The following RAP2A variants were observed in gnomAD, a reference collection of about 807,000 sequenced individuals.
The protein encoded by RAP2A is ras-related protein Rap-2a.
A neutral mutation model predicts 15.1 loss-of-function variants in RAP2A; 5 were observed. The observed-to-expected ratio is 0.33, with a 90% CI of 0.17 to 0.70. RAP2A has a LOEUF of 0.70. Ranked by LOEUF, RAP2A falls within the 30% of genes least tolerant of loss-of-function variation. The probability of loss-of-function intolerance (pLI) is 0.68; values close to 1 mark genes in which losing one functional copy is unlikely to be tolerated. For missense variants in RAP2A, 111 were observed against 240.3 expected (o/e 0.46, Z 3.56); for synonymous variants, 110 against 99.7 (o/e 1.10, Z -0.62).
chr13:97,464,084 T>C (rs1484742511), intron 1 of RAP2A, 121 bp from the exon 2 acceptor site: 2 of 856,594 alleles, frequency 2.3e-6, no homozygotes, highest in Non-Finnish European at 3.7e-6. Context: ...TACAAATCAT[T>C]TTCATGCAAC....
chr13:97,463,359 C>T lies in RAP2A; in HGVS notation c.315-846C>T, dbSNP rs1401026508. Among the ~76,000 whole-genome samples, 4 of 152,296 alleles carry T rather than the reference C, an allele frequency of 2.6e-5. No homozygotes were observed. In the East Asian group the frequency reaches 7.7e-4, roughly 29 times the overall value. ...TTTCTTTGTTCTTTCTTATCACTTACTATTTTTATTAGTTTAGCTTTTTCC... is the reference window on the plus strand; with the variant it reads ...TTTCTTTGTTCTTTCTTATCACTTATTATTTTTATTAGTTTAGCTTTTTCC... On this transcript the variant is annotated intron_variant, in intron 1 of 1. Transcript: ENST00000245304.
chr13:97,435,446 T>TA (rs1462635905), intron 1 of RAP2A, among the ~76,000 whole-genome samples: 1 of 80,656 alleles, frequency 1.2e-5, no homozygotes, highest in Non-Finnish European at 2.5e-5. Context: ...GTTTTTAATA[T>TA]AGCCGCCTTA....
Position 97,464,705 on chromosome 13 carries a change from C to A in RAP2A, c.*263C>A. On this transcript the variant is annotated 3_prime_UTR_variant, in exon 2 of 2. Transcript: ENST00000245304. ...AGTCCATCGATCTACAGGGTGATCT[C>A]ATTTGAAAGCTATGATGGCATTGTC... 2.2e-6 allele frequency: 1 copy of A among 444,650 alleles called. No individual in the cohort carries two copies. The highest frequency in any genetic ancestry group is 4.0e-6 in the Non-Finnish European group (1 of 248,996). The allele number at this position is 444,650 out of a possible 1,614,324, so 27.5% of individuals were successfully genotyped here.
chr13:97,456,718 T>C (rs1157579176), intron 1 of RAP2A, among the ~76,000 whole-genome samples: 2 of 145,240 alleles, frequency 1.4e-5, no homozygotes, highest in African/African-American at 5.2e-5. Flanking sequence ...TTACTCTCCT[T>C]ACTTTTTACA....
intron 1 of RAP2A, among the ~76,000 whole-genome samples, chr13:97,459,388 T>C (rs2066737305): frequency 6.6e-6 from 1 of 151,808 alleles, no homozygotes; most frequent in Admixed American, 6.6e-5. Flanking sequence ...CACCTCATCT[T>C]CCTAAATAAC....
chr13:97,446,516 A>C (rs2066680227), intron 1 of RAP2A, among the ~76,000 whole-genome samples: 1 of 152,154 alleles, frequency 6.6e-6, no homozygotes, highest in African/African-American at 2.4e-5. Context: ...GAGAAGTAGG[A>C]TCTGTTTCCT....
chr13:97,461,168 G>A (rs565380475), intron 1 of RAP2A, among the ~76,000 whole-genome samples: 1 of 152,258 alleles, frequency 6.6e-6, no homozygotes, highest in African/African-American at 2.4e-5. Context: ...ATACAGATAT[G>A]TAAAGGAAAT....
chr13:97,443,520 T>C (rs1224573157), intron 1 of RAP2A, among the ~76,000 whole-genome samples: 1 of 152,182 alleles, frequency 6.6e-6, no homozygotes, highest in Non-Finnish European at 1.5e-5. Context: ...TCTGAATAGC[T>C]AGGACTACAG....
rs78415243 is a variant in RAP2A, at chr13:97,455,592, G to A, written c.315-8613G>A. Reference sequence around the variant, plus strand: ...TTCTCCTTGTTTGGAAGATGATTCCGATGTCAGTTCAATTTTCAAAGCCTT... The same window carrying A: ...TTCTCCTTGTTTGGAAGATGATTCCAATGTCAGTTCAATTTTCAAAGCCTT... On this transcript the variant is annotated intron_variant, in intron 1 of 1. Transcript: ENST00000245304. 1.4e-4 allele frequency among the ~76,000 whole-genome samples: 21 copies of A among 151,544 alleles called. No homozygotes were observed. In the East Asian group the frequency reaches 3.7e-3, roughly 26 times the overall value.
At chr13:97,442,367 A>G (rs2066661821) in intron 1 of RAP2A, among the ~76,000 whole-genome samples, 1 of 152,120 alleles carries the variant, frequency 6.6e-6, no homozygotes, top group South Asian at 2.1e-4. Flanking sequence ...ATATTTAGGG[A>G]GAAATAAGGT....
intron 1 of RAP2A, among the ~76,000 whole-genome samples, chr13:97,449,365 A>C (rs1245673092): frequency 6.6e-6 from 1 of 152,158 alleles, no homozygotes; most frequent in Non-Finnish European, 1.5e-5. Flanking sequence ...CTTAGGTATG[A>C]GTTACTTTGG....
At chr13:97,444,255 T>C (rs754177889) in intron 1 of RAP2A, among the ~76,000 whole-genome samples, 2 of 152,212 alleles carry the variant, frequency 1.3e-5, no homozygotes, top group Non-Finnish European at 2.9e-5. Flanking sequence ...ATGGTGGCGG[T>C]AAATTTTTTG....
chr13:97,447,370 TATAA>T (rs1040819858), intron 1 of RAP2A, among the ~76,000 whole-genome samples: 18 of 152,372 alleles, frequency 1.2e-4, no homozygotes, highest in African/African-American at 4.3e-4. Flanking sequence ...GTGTACTGTT[TATAA>T]AAGTAATTGA....
rs1399681062 is a variant in RAP2A at position 97,464,465 on chromosome 13, A to G, written c.*23A>G. The G allele has an allele frequency of 1.2e-6, 2 of 1,608,426 alleles. No homozygotes were observed. Among genetic ancestry groups the G allele is most frequent in the Non-Finnish European group, 1.7e-6 (2 of 1,174,976 alleles). ...TAGCATCCAAATATGGCTGTCCTGG[A>G]TGGGATTTGCCCAATGTCGTAGGTG... On this transcript the variant is annotated 3_prime_UTR_variant, in exon 2 of 2. Transcript: ENST00000245304.
chr13:97,445,722 A>T (rs1366280576), intron 1 of RAP2A, among the ~76,000 whole-genome samples: 1 of 152,134 alleles, frequency 6.6e-6, no homozygotes, highest in Non-Finnish European at 1.5e-5. Flanking sequence ...GCTGTGTGTG[A>T]GCTCAGTCAT....
At chr13:97,461,822 G>T (rs2066747053) in intron 1 of RAP2A, among the ~76,000 whole-genome samples, 1 of 151,454 alleles carries the variant, frequency 6.6e-6, no homozygotes, top group Non-Finnish European at 1.5e-5. Flanking sequence ...AATTAGTCGG[G>T]CGTGGTGGTG....
chr13:97,464,097 A>C, intron 1 of RAP2A, 108 bp from the exon 2 acceptor site: 1 of 946,012 alleles, frequency 1.1e-6, no homozygotes, highest in Non-Finnish European at 1.7e-6. Flanking sequence ...CATGCAACTG[A>C]AGATACCATT....
chr13:97,441,063 T>A (rs1423294418), intron 1 of RAP2A, among the ~76,000 whole-genome samples: 2 of 152,172 alleles, frequency 1.3e-5, no homozygotes, highest in Non-Finnish European at 2.9e-5. Context: ...AGTTTTCTTT[T>A]TGCCACTCCA....
At position 97,455,223 on chromosome 13, in the gene RAP2A, TAC is replaced by T. The variant is rs1230412366; in HGVS notation, c.315-8980_315-8979del. ...TCCGTGAATGTTTTATCTCAGATAT[TAC>T]AGTTTTCAGTTCTAAAATTTTCATG... On this transcript the variant is annotated intron_variant, in intron 1 of 1. Transcript: ENST00000245304. Among the ~76,000 whole-genome samples the T allele has an allele frequency of 2.6e-5, 4 of 151,666 alleles. No individual in the cohort carries two copies. In the East Asian group the frequency reaches 5.8e-4, roughly 22 times the overall value.
Sources: gnomAD v4.1 joint callset for allele counts (sites outside exome capture counted in the v4.1 genomes callset) on GRCh38, gnomAD v4.1.1 for gene constraint, MANE v1.5 for transcripts, NCBI Gene and HGNC (gene_info 2026-07-23, HGNC 2026-07-21) for gene names.